POU2F2: variants seen among roughly 807,000 people sequenced by gnomAD.
POU2F2 encodes POU domain, class 2, transcription factor 2.
A neutral mutation model predicts 63.5 loss-of-function variants in POU2F2; 14 were observed. The ratio of observed to expected loss-of-function variants is 0.22; its 90% CI spans 0.15 to 0.34. The LOEUF (loss-of-function observed/expected upper bound fraction) is 0.34, where lower values mean the gene tolerates loss of function less well. POU2F2 is among the 10% of genes least tolerant of loss of function. The pLI, the probability that POU2F2 is intolerant of heterozygous loss-of-function variation, is 1.00. For synonymous variants in POU2F2, 306 were observed against 348.6 expected (o/e 0.88, Z 1.36); for missense variants, 607 against 815.2 (o/e 0.74, Z 3.11).
intron 1 of POU2F2, among the ~76,000 whole-genome samples, chr19:42,173,064 G>C (rs1159184457): frequency 6.6e-6 from 1 of 152,148 alleles, no homozygotes; most frequent in East Asian, 1.9e-4. Context: ...TGCTGTGAGA[G>C]CGAGGTGGGT....
intron 1 of POU2F2, among the ~76,000 whole-genome samples, chr19:42,193,230 A>C (rs2035094147): frequency 6.6e-6 from 1 of 151,886 alleles, no homozygotes; most frequent in South Asian, 2.1e-4. Flanking sequence ...AAAAAAAAAA[A>C]AAAAAAGAGG....
chr19:42,194,678 G>C (rs2035110465), intron 1 of POU2F2, among the ~76,000 whole-genome samples: 1 of 132,214 alleles, frequency 7.6e-6, no homozygotes, highest in Non-Finnish European at 1.6e-5. Flanking sequence ...AGGATCTCTT[G>C]AACCTGGGAG....
chr19:42,164,680 G>C (rs1275119738), intron 1 of POU2F2, among the ~76,000 whole-genome samples: 2 of 151,548 alleles, frequency 1.3e-5, no homozygotes, highest in Non-Finnish European at 2.9e-5. Context: ...AGCTAAGACA[G>C]TCAGGGTGCA....
rs1290640832 is a variant in POU2F2, at chr19:42,089,099, G to GGGGCCACACTACGGCTGTC, written c.*2139_*2157dup. ...CTCTGCTCCTGCCCAACAAGGGGCAGGGGCCACACTACGGCTGTCAGGCCC... is the reference window on the plus strand; with the variant it reads ...CTCTGCTCCTGCCCAACAAGGGGCAGGGGCCACACTACGGCTGTCGGGCCACACTACGGCTGTCAGGCCC... On this transcript the variant is annotated 3_prime_UTR_variant, in exon 15 of 15. Coordinates refer to ENST00000692977, the MANE Select transcript of POU2F2 (RefSeq NM_001394376.1). 10 of 152,858 alleles carry GGGGCCACACTACGGCTGTC rather than the reference G, an allele frequency of 6.5e-5. No individual in the cohort carries two copies. The highest frequency in any genetic ancestry group is 1.3e-4 in the Non-Finnish European group (9 of 68,084). 9.5% of individuals were successfully genotyped at this position (152,858 alleles called of 1,614,324 possible).
At position 42,089,768 on chromosome 19, in the gene POU2F2, A is replaced by G. The variant is rs956737195; in HGVS notation, c.*1489T>C. ...TATATAAATTTTTTTTCTAGTTTAA[A>G]TTTATTGTTTGTTTGTTTCTGTTTT... On this transcript the variant is annotated 3_prime_UTR_variant, in exon 15 of 15. Coordinates refer to ENST00000692977, the MANE Select transcript of POU2F2 (RefSeq NM_001394376.1). 1 of 149,322 alleles carries G rather than the reference A, an allele frequency of 6.7e-6. No individual in the cohort carries two copies. Among genetic ancestry groups the G allele is most frequent in the Non-Finnish European group, 1.5e-5 (1 of 67,472 alleles). 9.2% of individuals were successfully genotyped at this position (149,322 alleles called of 1,614,324 possible).
upstream of POU2F2, chr19:42,134,620 C>A: frequency 6.6e-6 from 1 of 152,356 alleles, no homozygotes; most frequent in Non-Finnish European, 1.5e-5. Context: ...GAAGAGGCCT[C>A]GAGCCATGCT....
rs757537773 is a variant in POU2F2, at chr19:42,108,798, G to A, written c.369+8452C>T. ...AGGTATAGTAAGTGGAGACAGGCCAGAGAAAAGACCCTGGCTGGCATATTT... is the reference window on the plus strand; with the variant it reads ...AGGTATAGTAAGTGGAGACAGGCCAAAGAAAAGACCCTGGCTGGCATATTT... On this transcript the variant is annotated intron_variant, in intron 5 of 14. Transcript: ENST00000692977. 5.8e-4 allele frequency among the ~76,000 whole-genome samples: 88 copies of A among 152,310 alleles called. 1 individual carries two copies. The highest frequency in any genetic ancestry group is 3.4e-3 in the Middle Eastern group (1 of 294).
chr19:42,093,872 C>G lies in POU2F2; in HGVS notation c.1221G>C (p.Gly407=). The part of the protein sequence containing the change: ...PHMVTPQGGA[G]TLPLSQASSS... Reference sequence around the variant, plus strand: ...TGGAAGCTTGGGACAACGGTAAGGTCCCCGCGCCCCCTTGGGGTGTGACCT... The same window carrying G: ...TGGAAGCTTGGGACAACGGTAAGGTGCCCGCGCCCCCTTGGGGTGTGACCT... The change falls in exon 12 of 15, where the codon GGG becomes GGC. Residue 407 remains glycine, a synonymous_variant. Coordinates refer to ENST00000692977, the MANE Select transcript of POU2F2 (RefSeq NM_001394376.1). 6.2e-7 allele frequency: 1 copy of G among 1,611,838 alleles called. No individual in the cohort carries two copies. The highest frequency in any genetic ancestry group is 2.2e-5 in the East Asian group (1 of 44,810).
chr19:42,135,133 G>A (rs572645986), upstream of POU2F2, among the ~76,000 whole-genome samples: 1 of 152,210 alleles, frequency 6.6e-6, no homozygotes, highest in East Asian at 1.9e-4. Context: ...TGCTCTGTGA[G>A]GGAACCCAAG....
intron 1 of POU2F2, among the ~76,000 whole-genome samples, chr19:42,189,661 A>G (rs2035054409): frequency 1.3e-5 from 2 of 152,188 alleles, no homozygotes; most frequent in African/African-American, 4.8e-5. Context: ...GATGAGGAGG[A>G]CAATGAAGGA....
chr19:42,191,934 T>A (rs2035079194), intron 1 of POU2F2, among the ~76,000 whole-genome samples: 1 of 152,160 alleles, frequency 6.6e-6, no homozygotes, highest in Non-Finnish European at 1.5e-5. Flanking sequence ...TATATCCTCA[T>A]CTGTAAAATG....
At chr19:42,157,321 T>C (rs2034475983) in intron 2 of POU2F2, 1 of 152,182 alleles carries the variant, frequency 6.6e-6, no homozygotes, top group Non-Finnish European at 1.5e-5. Context: ...AGCCAGCCTA[T>C]CCCTCTCTCC....
intron 2 of POU2F2, among the ~76,000 whole-genome samples, chr19:42,139,292 C>T (rs2034081341): frequency 6.6e-6 from 1 of 152,098 alleles, no homozygotes; most frequent in African/African-American, 2.4e-5. Context: ...TCTACTTCAG[C>T]CTGGGTGACA....
At chr19:42,188,002 C>A (rs1387189674) in intron 1 of POU2F2, among the ~76,000 whole-genome samples, 1 of 151,936 alleles carries the variant, frequency 6.6e-6, no homozygotes, top group South Asian at 2.1e-4. Context: ...TATTTCATTT[C>A]AAAAGTGACT....
chr19:42,181,559 C>G (rs75782847), intron 1 of POU2F2, among the ~76,000 whole-genome samples: 18 of 148,168 alleles, frequency 1.2e-4, no homozygotes, highest in African/African-American at 4.5e-4. Context: ...TGAGTGTGTG[C>G]GTCTGAACAT....
At chr19:42,187,104 G>A (rs1599731060) in intron 1 of POU2F2, among the ~76,000 whole-genome samples, 2 of 152,078 alleles carry the variant, frequency 1.3e-5, no homozygotes, top group Non-Finnish European at 2.9e-5. Context: ...TGTCCCTCAA[G>A]AAGAATACGC....
In POU2F2 at chr19:42,149,269, C is replaced by T. The variant is rs75519615; in HGVS notation, c.-9+11063G>A. ...CCCTCAGTTCCCAGCTCCATCTCTG[C>T]GAGTGTAGACTTGTTTGAACTTCCC... On this transcript the variant is annotated intron_variant, in intron 2 of 6. Coordinates refer to the POU2F2 transcript ENST00000524801. Among the ~76,000 whole-genome samples, 17 of 152,252 alleles carry T rather than the reference C, an allele frequency of 1.1e-4. No homozygotes were observed. The East Asian group carries it at 1.4e-3, about 12-fold the overall frequency.
chr19:42,106,008 T>TTTCC lies in POU2F2; in HGVS notation c.370-6188_370-6187insGGAA, dbSNP rs2029869235. On this transcript the variant is annotated intron_variant, in intron 5 of 14. Transcript: ENST00000692977. The stretch of plus-strand genomic sequence containing the variant: ...ATATAGGATCTTTCTTTTTTCTTTC[T>TTTCC]TTCTTTCTTTCTTTCTTTCTTTCTT... 1.0e-4 allele frequency among the ~76,000 whole-genome samples: 13 copies of TTTCC among 124,064 alleles called. No individual in the cohort carries two copies. In the South Asian group the frequency reaches 3.2e-3, roughly 30 times the overall value. The allele number at this position is 124,064 out of a possible 152,430, so 81.4% of individuals were successfully genotyped here.
intron 2 of POU2F2, among the ~76,000 whole-genome samples, chr19:42,150,744 T>C (rs931449677): frequency 6.6e-6 from 1 of 152,058 alleles, no homozygotes; most frequent in Non-Finnish European, 1.5e-5. Flanking sequence ...CTCCTGCTCC[T>C]GTTTTTTTAT....
Sources: gnomAD v4.1 joint callset for allele counts (sites outside exome capture counted in the v4.1 genomes callset) on GRCh38, gnomAD v4.1.1 for gene constraint, MANE v1.5 for transcripts, NCBI Gene and HGNC (gene_info 2026-07-23, HGNC 2026-07-21) for gene names.